GRIK2: variants seen among roughly 807,000 people sequenced by gnomAD.
GRIK2 encodes the protein glutamate ionotropic receptor kainate type subunit 2, also known as glutamate receptor ionotropic, kainate 2.
A neutral mutation model predicts 100.3 loss-of-function variants in GRIK2; 32 were observed. The ratio of observed to expected loss-of-function variants is 0.32; its 90% CI spans 0.24 to 0.43. The LOEUF (loss-of-function observed/expected upper bound fraction) is 0.43. Among genes scored for constraint, GRIK2 ranks in the 20% least tolerant of loss-of-function variants. GRIK2 has a pLI of 1.00. For missense variants in GRIK2, 843 were observed against 1,114.9 expected (o/e 0.76, Z 3.47); for synonymous variants, 417 against 389.4 (o/e 1.07, Z -0.83).
intron 15 of GRIK2, among the ~76,000 whole-genome samples, chr6:102,041,528 C>T (rs2114452795): frequency 6.6e-6 from 1 of 151,590 alleles, no homozygotes; most frequent in African/African-American, 2.4e-5. Context: ...ATGTGACAGA[C>T]ATATTCATAG....
chr6:101,613,681 C>A (rs1779775841), intron 2 of GRIK2, among the ~76,000 whole-genome samples: 1 of 150,548 alleles, frequency 6.6e-6, no homozygotes, highest in African/African-American at 2.4e-5. Flanking sequence ...ACTTATGGAG[C>A]TGGCCACTCT....
intron 12 of GRIK2, among the ~76,000 whole-genome samples, chr6:101,894,525 G>T (rs1188776009): frequency 2.6e-5 from 4 of 151,392 alleles, no homozygotes; most frequent in Non-Finnish European, 4.4e-5. Flanking sequence ...GTCCGGGATG[G>T]GTTCATGCTT....
intron 2 of GRIK2, among the ~76,000 whole-genome samples, chr6:101,605,302 C>A (rs1049348524): frequency 6.6e-6 from 1 of 151,952 alleles, no homozygotes; most frequent in Non-Finnish European, 1.5e-5. Flanking sequence ...ACTTTCCTTA[C>A]CCAGTGGTGA....
chr6:101,675,315 C>CACACAT (rs1770752258), intron 4 of GRIK2, among the ~76,000 whole-genome samples: 1 of 149,388 alleles, frequency 6.7e-6, no homozygotes, highest in Admixed American at 6.6e-5. Flanking sequence ...ACCACACACA[C>CACACAT]ACACACACAC....
At chr6:101,959,653 T>G (rs1010869237) in intron 14 of GRIK2, among the ~76,000 whole-genome samples, 4 of 152,098 alleles carry the variant, frequency 2.6e-5, no homozygotes, top group Non-Finnish European at 5.9e-5. Flanking sequence ...TGAATTTCTA[T>G]TCCCTTGAGG....
intron 12 of GRIK2, among the ~76,000 whole-genome samples, chr6:101,913,380 T>G (rs1484612224): frequency 6.6e-6 from 1 of 151,582 alleles, no homozygotes; most frequent in African/African-American, 2.4e-5. Flanking sequence ...ACATTCTACA[T>G]AACACTGAAC....
intron 10 of GRIK2, among the ~76,000 whole-genome samples, chr6:101,826,419 A>G (rs1782335054): frequency 6.6e-6 from 1 of 152,170 alleles, no homozygotes; most frequent in South Asian, 2.1e-4. Context: ...GGATGATAGC[A>G]CTGCCACAGC....
At chr6:101,425,917 G>A (rs1285191202) in intron 2 of GRIK2, among the ~76,000 whole-genome samples, 1 of 152,168 alleles carries the variant, frequency 6.6e-6, no homozygotes, top group Non-Finnish European at 1.5e-5. Flanking sequence ...CACTAGCACT[G>A]AGGCCATCTA....
chr6:101,443,463 T>C (rs1770194223), intron 2 of GRIK2, among the ~76,000 whole-genome samples: 1 of 152,112 alleles, frequency 6.6e-6, no homozygotes, highest in African/African-American at 2.4e-5. Context: ...TGTGGCAGTA[T>C]TGTGATGATT....
At chr6:101,920,778 A>G (rs1789442543) in intron 12 of GRIK2, among the ~76,000 whole-genome samples, 1 of 151,770 alleles carries the variant, frequency 6.6e-6, no homozygotes, top group African/African-American at 2.4e-5. Context: ...TGCTAAGAAA[A>G]GTGGATCATA....
chr6:101,972,620 C>G (rs1793120134), intron 14 of GRIK2, among the ~76,000 whole-genome samples: 1 of 147,436 alleles, frequency 6.8e-6, no homozygotes, highest in Admixed American at 6.7e-5. Context: ...GGGGACTTGG[C>G]CAAAATTATT....
chr6:101,825,200 A>C, intron 10 of GRIK2, among the ~76,000 whole-genome samples: 1 of 152,188 alleles, frequency 6.6e-6, no homozygotes, highest in East Asian at 1.9e-4. Context: ...TTCAAACTAA[A>C]GTCTTCTCCA....
chr6:101,828,507 C>T (rs112529931), intron 10 of GRIK2, among the ~76,000 whole-genome samples: 2,700 of 151,834 alleles, frequency 0.018, 90 homozygotes, highest in African/African-American at 0.062. Context: ...AGGATAACAA[C>T]ATTGATATAC....
intron 14 of GRIK2, among the ~76,000 whole-genome samples, chr6:102,007,031 A>G (rs745883613): frequency 6.6e-6 from 1 of 152,144 alleles, no homozygotes; most frequent in African/African-American, 2.4e-5. Flanking sequence ...AGAACCTATT[A>G]TGTATAAAAA....
At chr6:101,815,295 C>A (rs1781567920) in intron 9 of GRIK2, among the ~76,000 whole-genome samples, 2 of 152,042 alleles carry the variant, frequency 1.3e-5, no homozygotes, top group African/African-American at 4.8e-5. Flanking sequence ...ATTTTATAAT[C>A]TCATGACAAT....
chr6:101,579,722 G>C (rs1235935517), intron 2 of GRIK2, among the ~76,000 whole-genome samples: 2 of 151,828 alleles, frequency 1.3e-5, no homozygotes, highest in Non-Finnish European at 2.9e-5. Flanking sequence ...GTGGTGGTGT[G>C]CACCTGTTGT....
chr6:101,428,317 C>T (rs1582428054), intron 2 of GRIK2, among the ~76,000 whole-genome samples: 1 of 152,106 alleles, frequency 6.6e-6, no homozygotes, highest in East Asian at 1.9e-4. Flanking sequence ...AAAAATGCTG[C>T]CTTCCTTATT....
intron 14 of GRIK2, 129 bp downstream of exon 14, chr6:101,928,761 A>C: frequency 1.6e-6 from 1 of 629,844 alleles, no homozygotes; most frequent in South Asian, 1.9e-5. Flanking sequence ...CATATACCTC[A>C]AGGGGTGGAG....
chr6:102,035,710 G>C (rs1178105544), intron 15 of GRIK2, 144 bp downstream of exon 15: 1 of 557,940 alleles, frequency 1.8e-6, no homozygotes, highest in Non-Finnish European at 3.3e-6. Context: ...TATAAAAGCA[G>C]GTTATCATTT....
Sources: allele counts gnomAD v4.1 joint callset (sites outside exome capture counted in the v4.1 genomes callset), GRCh38; gene constraint gnomAD v4.1.1; transcripts MANE v1.5; gene names NCBI Gene and HGNC (gene_info 2026-07-23, HGNC 2026-07-21).